The following GPRC6A variants were observed in gnomAD, a reference collection of about 807,000 sequenced individuals.
The protein encoded by GPRC6A is G protein-coupled receptor family C group 6 member A.
Under a neutral mutation model 47.0 loss-of-function variants are expected in GPRC6A, and 54 were observed. The observed-to-expected ratio is 1.15, with a 90% confidence interval of 0.92 to 1.44. The LOEUF is 1.44. Among genes scored for constraint, GPRC6A ranks in the 40% most tolerant of loss-of-function variants. The probability of loss-of-function intolerance (pLI) is 0.00; values close to 1 mark genes in which losing one functional copy is unlikely to be tolerated. For synonymous variants in GPRC6A, 347 were observed against 377.1 expected, an observed-to-expected ratio of 0.92 and a Z score of 0.93; for missense variants, 1,112 against 1,105.5, an observed-to-expected ratio of 1.01 and a Z score of -0.08.
At chr6:116,819,593 T>C (rs1348803681) in intron 1 of GPRC6A, among the ~76,000 whole-genome samples, 1 of 152,128 alleles carries the variant, frequency 6.6e-6, no homozygotes, top group East Asian at 1.9e-4. Flanking sequence ...CTGAACAACC[T>C]GCTCCTGAAT....
At chr6:116,794,211 T>C (rs1772405204) in intron 5 of GPRC6A, among the ~76,000 whole-genome samples, 1 of 152,192 alleles carries the variant, frequency 6.6e-6, no homozygotes, top group Non-Finnish European at 1.5e-5. Context: ...TTGTGTTCTC[T>C]TCTTTATTAA....
At chr6:116,820,748 T>A (rs891430542) in intron 1 of GPRC6A, among the ~76,000 whole-genome samples, 6 of 151,250 alleles carry the variant, frequency 4.0e-5, no homozygotes, top group African/African-American at 1.5e-4. Context: ...CCACAGCCAA[T>A]ATCATACTGA....
At chr6:116,825,476 C>T (rs58795612) in intron 1 of GPRC6A, among the ~76,000 whole-genome samples, 2 of 151,828 alleles carry the variant, frequency 1.3e-5, no homozygotes, top group Middle Eastern at 3.4e-3. Flanking sequence ...TTTACAATAG[C>T]TACAAAAAAT....
At chr6:116,812,950 C>T (rs1351324378) in intron 1 of GPRC6A, among the ~76,000 whole-genome samples, 1 of 152,158 alleles carries the variant, frequency 6.6e-6, no homozygotes, top group Non-Finnish European at 1.5e-5. Flanking sequence ...CACAAGCATT[C>T]CTATACACCA....
chr6:116,813,220 C>T (rs1773085752), intron 1 of GPRC6A, among the ~76,000 whole-genome samples: 1 of 152,158 alleles, frequency 6.6e-6, no homozygotes, highest in Admixed American at 6.5e-5. Flanking sequence ...CCCCATCAAG[C>T]TACCAATGAC....
intron 4 of GPRC6A, among the ~76,000 whole-genome samples, chr6:116,800,214 T>TTTTC (rs199770284): frequency 0.02 from 2,751 of 134,884 alleles, 46 homozygotes; most frequent in South Asian, 0.037. Context: ...CTCTCTTTTC[T>TTTTC]TTTCTTTCTT....
At position 116,809,361 on chromosome 6, in the gene GPRC6A, T is replaced by C; in HGVS notation, c.451A>G (p.Ile151Val). 1.9e-6 allele frequency: 3 copies of C among 1,613,692 alleles called. No individual in the cohort carries two copies. The highest frequency in any genetic ancestry group is 2.5e-6 in the Non-Finnish European group (3 of 1,179,708). ...KAVIGSGYSE[I>V]TMAVSRMLNL... ...AACATCCTGGAGACAGCCATAGTTA[T>C]TTCTGAGTACCCAGAACCTATGACA... The change falls in exon 2 of 6, where the codon ATA becomes GTA. Residue 151 changes from isoleucine to valine, a missense_variant. Physicochemically the swap from Ile to Val is conservative, Grantham distance 29 (BLOSUM62 3). Coordinates refer to ENST00000310357, the MANE Select transcript of GPRC6A (RefSeq NM_148963.4).
chr6:116,808,215 TC>T (rs1201575726), intron 2 of GPRC6A, among the ~76,000 whole-genome samples: 2 of 152,118 alleles, frequency 1.3e-5, no homozygotes, highest in Admixed American at 6.6e-5. Context: ...TAAGTTCCCT[TC>T]CAAGTACCTG....
At chr6:116,802,812 A>C (rs544982843) in intron 3 of GPRC6A, among the ~76,000 whole-genome samples, 1 of 152,132 alleles carries the variant, frequency 6.6e-6, no homozygotes, top group African/African-American at 2.4e-5. Flanking sequence ...TCTTCTTACT[A>C]CTTCTTCAAG....
intron 1 of GPRC6A, among the ~76,000 whole-genome samples, chr6:116,826,136 A>C (rs1773668850): frequency 6.6e-6 from 1 of 151,954 alleles, no homozygotes; most frequent in African/African-American, 2.4e-5. Context: ...GTCTAGGCAA[A>C]GATTTTGCGG....
intron 3 of GPRC6A, among the ~76,000 whole-genome samples, chr6:116,802,043 G>T (rs544575543): frequency 6.6e-6 from 1 of 152,174 alleles, no homozygotes; most frequent in South Asian, 2.1e-4. Flanking sequence ...CAGTTCTTTA[G>T]GGAGCACATC....
chr6:116,814,923 G>T (rs1221000982), intron 1 of GPRC6A, among the ~76,000 whole-genome samples: 1 of 152,094 alleles, frequency 6.6e-6, no homozygotes, highest in East Asian at 1.9e-4. Context: ...GTGAGCAGAA[G>T]TAGCTATATT....
rs1357846457 is a variant in GPRC6A, at chr6:116,806,779, G to T, written c.926C>A (p.Thr309Asn). ...AACATTAGGAATGGTGGTAATCTTG[G>T]TGGCAGTTGACCAATTATCACTAGC... ...WIASDNWSTA[T>N]KITTIPNVKK... The change falls in exon 3 of 6, where the codon ACC becomes AAC. Residue 309 changes from threonine to asparagine, a missense_variant. Physicochemically the swap from Thr to Asn is moderately conservative, Grantham distance 65. Coordinates refer to ENST00000310357, the MANE Select transcript of GPRC6A (RefSeq NM_148963.4). 6.2e-7 allele frequency: 1 copy of T among 1,613,578 alleles called. No individual in the cohort carries two copies. The highest frequency in any genetic ancestry group is 1.3e-5 in the African/African-American group (1 of 74,964).
At position 116,809,327 on chromosome 6, in the gene GPRC6A, T is replaced by C. The variant is rs761000567; in HGVS notation, c.485A>G (p.Gln162Arg). The C allele has an allele frequency of 1.2e-6, 2 of 1,612,562 alleles. No homozygotes were observed. Among genetic ancestry groups the C allele is most frequent in the Non-Finnish European group, 1.7e-6 (2 of 1,178,860 alleles). The change falls in exon 2 of 6, where the codon CAG becomes CGG. Residue 162 changes from glutamine (Q) to arginine (R), a missense_variant. Coordinates refer to ENST00000310357, the MANE Select transcript of GPRC6A (RefSeq NM_148963.4). The part of the protein sequence containing the change: ...TMAVSRMLNL[Q>R]LMPQVGYEST... ...CACAAAACCTACCTGTGGCATGAGC[T>C]GTAAATTCAACATCCTGGAGACAGC...
intron 1 of GPRC6A, among the ~76,000 whole-genome samples, chr6:116,819,222 C>T (rs1424464422): frequency 6.6e-6 from 1 of 151,464 alleles, no homozygotes; most frequent in Non-Finnish European, 1.5e-5. Context: ...TCCTGAGTGA[C>T]CTACAAAGAG....
intron 5 of GPRC6A, among the ~76,000 whole-genome samples, chr6:116,794,349 C>T (rs996061409): frequency 7.9e-5 from 12 of 152,262 alleles, no homozygotes; most frequent in African/African-American, 2.6e-4. Flanking sequence ...TTGCTAGTGT[C>T]TGTCATTTCA....
At chr6:116,802,944 C>T (rs1293426845) in intron 3 of GPRC6A, among the ~76,000 whole-genome samples, 1 of 152,052 alleles carries the variant, frequency 6.6e-6, no homozygotes, top group Non-Finnish European at 1.5e-5. Flanking sequence ...TCTTACCATG[C>T]CAAAATTACT....
chr6:116,824,274 T>TA (rs557885039), intron 1 of GPRC6A, among the ~76,000 whole-genome samples: 1 of 149,186 alleles, frequency 6.7e-6, no homozygotes, highest in African/African-American at 2.5e-5. Context: ...AAATAGAGAC[T>TA]AAAAAAAACA....
intron 3 of GPRC6A, among the ~76,000 whole-genome samples, chr6:116,803,196 A>G (rs1772730911): frequency 6.6e-6 from 1 of 152,032 alleles, no homozygotes; most frequent in South Asian, 2.1e-4. Context: ...TTGATCTCCA[A>G]ATATTCTTCA....
Sources: allele counts gnomAD v4.1 joint callset (sites outside exome capture counted in the v4.1 genomes callset), GRCh38; gene constraint gnomAD v4.1.1; transcripts MANE v1.5; gene names NCBI Gene and HGNC (gene_info 2026-07-23, HGNC 2026-07-21).